Variants in LRRC28 observed in about 807,000 individuals in gnomAD.
LRRC28 encodes the protein leucine-rich repeat-containing protein 28.
LRRC28 carries 39 observed loss-of-function variants against 45.7 expected under a neutral mutation model. The observed-to-expected ratio is 0.85, with a 90% CI of 0.66 to 1.12. LRRC28 has a LOEUF of 1.12. LRRC28 is among the 50% of genes most tolerant of loss of function. LRRC28 has a pLI of 0.00. For missense variants in LRRC28, 435 were observed against 438.5 expected (o/e 0.99, Z 0.07); for synonymous variants, 206 against 178.8 (o/e 1.15, Z -1.22).
At chr15:99,317,970 C>T (rs986592876) in intron 5 of LRRC28, among the ~76,000 whole-genome samples, 1 of 152,072 alleles carries the variant, frequency 6.6e-6, no homozygotes, top group Non-Finnish European at 1.5e-5. Flanking sequence ...ATTTTGAATT[C>T]TGGTATGTAT....
chr15:99,368,274 C>T (rs1957393788), intron 9 of LRRC28, among the ~76,000 whole-genome samples: 1 of 152,074 alleles, frequency 6.6e-6, no homozygotes, highest in South Asian at 2.1e-4. Context: ...CAGCTATGAA[C>T]CTATGAAACC....
At chr15:99,259,453 A>G (rs1466790962) in intron 2 of LRRC28, 5 of 1,271,014 alleles carry the variant, frequency 3.9e-6, no homozygotes, top group East Asian at 4.6e-5. Context: ...CAGTTGAGAA[A>G]GAATTTGAGC....
intron 6 of LRRC28, among the ~76,000 whole-genome samples, chr15:99,342,078 ATCT>A (rs1211954688): frequency 2.0e-5 from 3 of 152,198 alleles, no homozygotes; most frequent in Non-Finnish European, 4.4e-5. Context: ...CTTCTCTAGG[ATCT>A]TCTCTGAAGG....
intron 7 of LRRC28, among the ~76,000 whole-genome samples, chr15:99,354,358 GTCT>G (rs1302359083): frequency 5.3e-5 from 8 of 152,162 alleles, no homozygotes; most frequent in African/African-American, 1.9e-4. Context: ...AGCATTAAGA[GTCT>G]TCTTTCTTCT....
At chr15:99,355,545 C>G (rs1957022538) in intron 7 of LRRC28, 1 of 152,118 alleles carries the variant, frequency 6.6e-6, no homozygotes, top group South Asian at 2.1e-4. Flanking sequence ...AAAGAATGAT[C>G]TTTATTTTTT....
intron 6 of LRRC28, among the ~76,000 whole-genome samples, chr15:99,350,139 T>C (rs1374187110): frequency 8.8e-6 from 1 of 113,476 alleles, no homozygotes. Context: ...CGAGACTCCG[T>C]CTCAAAAAAA....
rs747700282 is a variant in LRRC28, at chr15:99,293,593, C to CCAAAAAAAA, written c.385+5642_385+5643insCAAAAAAAA. On this transcript the variant is annotated intron_variant, in intron 5 of 9. Coordinates refer to ENST00000301981, the MANE Select transcript of LRRC28 (RefSeq NM_144598.5). ...GGGCAACAAGAACGAAACTCTGTCACAAAAAAAAAAAAAAAAAAAAAAAAA... is the reference window on the plus strand; with the variant it reads ...GGGCAACAAGAACGAAACTCTGTCACCAAAAAAAAAAAAAAAAAAAAAAAAAAAAAAAAA... 1.7e-3 allele frequency among the ~76,000 whole-genome samples: 74 copies of CCAAAAAAAA among 44,078 alleles called. 2 individuals carry two copies. The highest frequency in any genetic ancestry group is 2.3e-3 in the African/African-American group (30 of 12,878). 28.9% of individuals were successfully genotyped at this position (44,078 alleles called of 152,430 possible).
intron 6 of LRRC28, among the ~76,000 whole-genome samples, chr15:99,347,206 C>CT (rs36089095): frequency 0.11 from 16,465 of 143,964 alleles, 1,133 homozygotes; most frequent in East Asian, 0.35. Flanking sequence ...CGTGAGCTCC[C>CT]TTTTTTTTTT....
At chr15:99,296,195 G>A (rs1356608748) in intron 5 of LRRC28, among the ~76,000 whole-genome samples, 1 of 152,210 alleles carries the variant, frequency 6.6e-6, no homozygotes, top group Non-Finnish European at 1.5e-5. Context: ...GTAGTTACAA[G>A]CCTGGGCACA....
At chr15:99,267,386 G>A (rs1463449643) in intron 2 of LRRC28, among the ~76,000 whole-genome samples, 1 of 152,204 alleles carries the variant, frequency 6.6e-6, no homozygotes, top group Middle Eastern at 3.2e-3. Flanking sequence ...GCCAAGTGCG[G>A]TAGGAGAAAC....
At chr15:99,338,274 T>C (rs1440453522) in intron 6 of LRRC28, 1 of 152,326 alleles carries the variant, frequency 6.6e-6, no homozygotes, top group Non-Finnish European at 1.5e-5. Context: ...CAATTAAGTT[T>C]ATACACTTAA....
At chr15:99,300,595 T>A (rs2048302) in intron 5 of LRRC28, among the ~76,000 whole-genome samples, 1 of 152,048 alleles carries the variant, frequency 6.6e-6, no homozygotes, top group African/African-American at 2.4e-5. Context: ...GGGAGGCCGA[T>A]GTGGGTGGAT....
intron 2 of LRRC28, among the ~76,000 whole-genome samples, chr15:99,269,883 A>T (rs1366508943): frequency 6.6e-6 from 1 of 152,226 alleles, no homozygotes; most frequent in East Asian, 1.9e-4. Flanking sequence ...GAAGTGAGTC[A>T]AGAGACAAAG....
At chr15:99,307,841 T>C (rs1212328653) in intron 5 of LRRC28, among the ~76,000 whole-genome samples, 4 of 152,258 alleles carry the variant, frequency 2.6e-5, no homozygotes, top group Non-Finnish European at 5.9e-5. Flanking sequence ...GACTTAATTT[T>C]GTGTGACCTT....
intron 6 of LRRC28, among the ~76,000 whole-genome samples, chr15:99,336,028 G>T (rs1030250195): frequency 6.6e-6 from 1 of 152,148 alleles, no homozygotes. Flanking sequence ...GTCTGGGGTC[G>T]CCTATACTAC....
intron 9 of LRRC28, among the ~76,000 whole-genome samples, chr15:99,372,312 T>C (rs1957506017): frequency 6.6e-6 from 1 of 152,226 alleles, no homozygotes; most frequent in African/African-American, 2.4e-5. Flanking sequence ...CTGCCTTGCC[T>C]GTAAATATGC....
chr15:99,354,008 T>G (rs1597412414), intron 7 of LRRC28: 1 of 152,234 alleles, frequency 6.6e-6, no homozygotes, highest in East Asian at 1.9e-4. Flanking sequence ...TAGGTAATAG[T>G]CTACTTTTTT....
At chr15:99,315,966 T>A (rs1235363805) in intron 5 of LRRC28, among the ~76,000 whole-genome samples, 1 of 152,226 alleles carries the variant, frequency 6.6e-6, no homozygotes, top group African/African-American at 2.4e-5. Flanking sequence ...AAATTCTTAT[T>A]TTAAATTATG....
chr15:99,289,588 A>T (rs2082053547), intron 5 of LRRC28, among the ~76,000 whole-genome samples: 1 of 152,220 alleles, frequency 6.6e-6, no homozygotes. Context: ...TAATGGATTA[A>T]TTTTTAGACT....
Sources: gnomAD v4.1 joint callset for allele counts (sites outside exome capture counted in the v4.1 genomes callset) on GRCh38, gnomAD v4.1.1 for gene constraint, MANE v1.5 for transcripts, NCBI Gene and HGNC (gene_info 2026-07-23, HGNC 2026-07-21) for gene names.